The following STAC variants were observed in gnomAD, a reference collection of about 807,000 sequenced individuals.
The protein encoded by STAC is SH3 and cysteine rich domain.
Under a neutral mutation model 48.8 loss-of-function variants are expected in STAC, and 43 were observed. The ratio of observed to expected loss-of-function variants is 0.88; its 90% CI spans 0.69 to 1.14. The LOEUF (loss-of-function observed/expected upper bound fraction) is 1.14, where lower values mean the gene tolerates loss of function less well. Among genes scored for constraint, STAC ranks in the 50% most tolerant of loss-of-function variants. The pLI, the probability that STAC is intolerant of heterozygous loss-of-function variation, is 0.00. For missense variants in STAC, 497 were observed against 504.0 expected (o/e 0.99, Z 0.13); for synonymous variants, 193 against 179.5 (o/e 1.07, Z -0.60).
At chr3:36,544,462 A>G (rs1186030304) in intron 10 of STAC, among the ~76,000 whole-genome samples, 1 of 151,852 alleles carries the variant, frequency 6.6e-6, no homozygotes, top group Non-Finnish European at 1.5e-5. Context: ...GAGCCACCGC[A>G]CCCGGCCAGG....
intron 10 of STAC, among the ~76,000 whole-genome samples, chr3:36,537,554 G>T (rs774254214): frequency 6.6e-6 from 1 of 151,990 alleles, no homozygotes; most frequent in Admixed American, 6.6e-5. Flanking sequence ...GCAGGGGCGT[G>T]GTGGGGTAGT....
intron 10 of STAC, among the ~76,000 whole-genome samples, chr3:36,534,540 C>G (rs761944084): frequency 4.6e-5 from 7 of 152,004 alleles, no homozygotes; most frequent in Non-Finnish European, 1.0e-4. Flanking sequence ...GATTAAATCA[C>G]ATTTTCTACT....
intron 2 of STAC, among the ~76,000 whole-genome samples, chr3:36,447,687 A>C (rs2125671124): frequency 6.6e-6 from 1 of 151,574 alleles, no homozygotes; most frequent in Middle Eastern, 3.4e-3. Flanking sequence ...ACACACACAA[A>C]GACATTGAAC....
chr3:36,456,462 G>A (rs1299765707), intron 2 of STAC, among the ~76,000 whole-genome samples: 5 of 152,100 alleles, frequency 3.3e-5, no homozygotes, highest in South Asian at 2.1e-4. Context: ...AAATGCAGTC[G>A]TGCTCAGTTA....
intron 2 of STAC, among the ~76,000 whole-genome samples, chr3:36,463,513 T>C (rs1281566432): frequency 6.6e-6 from 1 of 151,712 alleles, no homozygotes; most frequent in East Asian, 1.9e-4. Context: ...AGTTTTTCTT[T>C]TTTTTTTTAA....
At position 36,533,475 on chromosome 3, in the gene STAC, G is replaced by GTTT. The variant is rs58981589; in HGVS notation, c.1110+4515_1110+4517dup. 8.1e-5 allele frequency among the ~76,000 whole-genome samples: 5 copies of GTTT among 61,396 alleles called. 1 individual carries two copies. The highest frequency in any genetic ancestry group is 1.9e-4 in the African/African-American group (3 of 15,570). The allele number at this position is 61,396 out of a possible 152,430, so 40.3% of individuals were successfully genotyped here. ...TGTTACTCAATAATCTTGCTAGCAT[G>GTTT]TTTTTTTTTTTTTTTTTTTTTTTTT... On this transcript the variant is annotated intron_variant, in intron 10 of 10. Coordinates refer to ENST00000273183, the MANE Select transcript of STAC (RefSeq NM_003149.3).
chr3:36,441,975 C>T (rs1696363312), intron 1 of STAC, among the ~76,000 whole-genome samples: 1 of 151,810 alleles, frequency 6.6e-6, no homozygotes, highest in Non-Finnish European at 1.5e-5. Flanking sequence ...GCTTGAGTTT[C>T]TTGTATATTC....
At chr3:36,402,906 C>T (rs929581238) in intron 1 of STAC, among the ~76,000 whole-genome samples, 2 of 152,124 alleles carry the variant, frequency 1.3e-5, no homozygotes, top group African/African-American at 4.8e-5. Flanking sequence ...TCTAGCTACC[C>T]ATATGATCAA....
At chr3:36,537,887 A>C (rs181807809) in intron 10 of STAC, among the ~76,000 whole-genome samples, 1 of 152,162 alleles carries the variant, frequency 6.6e-6, no homozygotes, top group Admixed American at 6.5e-5. Context: ...ATTTAAATTG[A>C]TGCATAGTTT....
chr3:36,393,064 A>G (rs980162752), intron 1 of STAC, among the ~76,000 whole-genome samples: 2 of 152,256 alleles, frequency 1.3e-5, no homozygotes, highest in South Asian at 4.1e-4. Flanking sequence ...CATTCAAACA[A>G]GCATTACACC....
chr3:36,470,338 T>C (rs73827504), intron 2 of STAC, among the ~76,000 whole-genome samples: 4,754 of 152,322 alleles, frequency 0.031, 224 homozygotes, highest in African/African-American at 0.11. Context: ...TTTTTGCTTT[T>C]CTGAGTCTAG....
At chr3:36,474,658 T>G (rs868552428) in intron 2 of STAC, among the ~76,000 whole-genome samples, 2 of 152,182 alleles carry the variant, frequency 1.3e-5, no homozygotes, top group African/African-American at 2.4e-5. Context: ...CCACACAGAC[T>G]GCTGAGATCA....
intron 1 of STAC, among the ~76,000 whole-genome samples, chr3:36,417,123 G>A (rs534289275): frequency 6.6e-6 from 1 of 152,074 alleles, no homozygotes; most frequent in Non-Finnish European, 1.5e-5. Flanking sequence ...GCCCCAAACT[G>A]GCATTGCTGC....
chr3:36,409,550 G>C (rs936387832), intron 1 of STAC: 2 of 152,198 alleles, frequency 1.3e-5, no homozygotes, highest in Admixed American at 6.5e-5. Context: ...AAAACCAAAT[G>C]AACTCTTGAG....
intron 1 of STAC, among the ~76,000 whole-genome samples, chr3:36,426,328 T>C (rs1326006871): frequency 6.6e-6 from 1 of 152,184 alleles, no homozygotes; most frequent in Non-Finnish European, 1.5e-5. Flanking sequence ...ATTATAAAAA[T>C]CAAGGAAAGC....
At chr3:36,403,425 T>G (rs1182467417) in intron 1 of STAC, among the ~76,000 whole-genome samples, 1 of 152,104 alleles carries the variant, frequency 6.6e-6, no homozygotes, top group Non-Finnish European at 1.5e-5. Context: ...CTCAATTTTC[T>G]TCTATTTTTA....
At position 36,443,680 on chromosome 3, in the gene STAC, C is replaced by T. The variant is rs747123119; in HGVS notation, c.388+40C>T. ...CCCTTTCTCCAGATCCCAGCACCCC[C>T]GGAAAGCTGAGTGAGAGTGGTGTGC... On this transcript the variant is annotated intron_variant, in intron 2 of 10. Coordinates refer to ENST00000273183, the MANE Select transcript of STAC (RefSeq NM_003149.3). The surrounding 1 kb of genome is among the most constrained non-coding windows in gnomAD (Gnocchi z 4.2). 1.8e-5 allele frequency: 28 copies of T among 1,595,432 alleles called. No individual in the cohort carries two copies. Among genetic ancestry groups the T allele is most frequent in the African/African-American group, 2.7e-5 (2 of 74,790 alleles).
chr3:36,545,544 C>T (rs1040698147), intron 10 of STAC, among the ~76,000 whole-genome samples: 5 of 152,212 alleles, frequency 3.3e-5, no homozygotes, highest in African/African-American at 1.2e-4. Flanking sequence ...TGTTCATAAA[C>T]CTCTTCTAAT....
At chr3:36,431,233 C>G (rs1364266488) in intron 1 of STAC, among the ~76,000 whole-genome samples, 2 of 152,212 alleles carry the variant, frequency 1.3e-5, no homozygotes. Context: ...TTTCCATCTT[C>G]TCTTTCATTG....
Sources: allele counts gnomAD v4.1 joint callset (sites outside exome capture counted in the v4.1 genomes callset), GRCh38; gene constraint gnomAD v4.1.1; non-coding constraint Gnocchi (gnomAD v3.1); transcripts MANE v1.5; gene names NCBI Gene and HGNC (gene_info 2026-07-23, HGNC 2026-07-21).